The following SLC36A3 variants were observed in gnomAD, a reference collection of about 807,000 sequenced individuals.
SLC36A3 encodes the protein proton-coupled amino acid transporter 3.
Under a neutral mutation model 44.3 loss-of-function variants are expected in SLC36A3, and 35 were observed. That is an observed-to-expected ratio of 0.79 (90% CI 0.60 to 1.05). The LOEUF (loss-of-function observed/expected upper bound fraction) is 1.05, where lower values mean the gene tolerates loss of function less well. Among genes scored for constraint, SLC36A3 ranks in the 50% least tolerant of loss-of-function variants. The pLI is 0.00. For missense variants in SLC36A3, 540 were observed against 578.7 expected (o/e 0.93, Z 0.69); for synonymous variants, 211 against 227.6 (o/e 0.93, Z 0.66).
intron 4 of SLC36A3, 65 bp from the exon 5 acceptor site, chr5:151,288,535 GT>G: frequency 1.7e-6 from 2 of 1,158,376 alleles, no homozygotes; most frequent in South Asian, 1.7e-5. Context: ...TCTTAAGAAT[GT>G]TTACTATTTG....
chr5:151,297,360 C>G (rs1754992561), intron 2 of SLC36A3: 2 of 152,130 alleles, frequency 1.3e-5, no homozygotes, highest in Admixed American at 6.5e-5. Flanking sequence ...GCTCTAGAAC[C>G]CAGAGGATTC....
Position 151,281,117 on chromosome 5 carries a change from G to A in SLC36A3, c.1041C>T (p.His347=), listed in dbSNP as rs780426921. The change falls in exon 9 of 10, where the codon CAC becomes CAT. Residue 347 remains histidine (H), a synonymous_variant. Transcript: ENST00000335230. ...GIFFTYALQF[H]VPAEIIIPFA... is the part of the protein sequence containing the mutation. ...ACGGGATGATGATCTCAGCTGGGAC[G>A]TGGAACTGGAGGGCATAGGTGAAGA... is the stretch of plus-strand genomic sequence containing the variant. 5.6e-6 allele frequency: 9 copies of A among 1,614,042 alleles called. No individual in the cohort carries two copies. Among genetic ancestry groups the A allele is most frequent in the South Asian group, 2.2e-5 (2 of 91,086 alleles).
At chr5:151,283,810 T>G (rs186314952) in intron 8 of SLC36A3, among the ~76,000 whole-genome samples, 2 of 152,388 alleles carry the variant, frequency 1.3e-5, no homozygotes, top group Admixed American at 1.3e-4. Context: ...CAGTTATTTG[T>G]GCTGTTCACC....
chr5:151,283,001 C>T (rs767801870), intron 8 of SLC36A3, among the ~76,000 whole-genome samples: 1 of 152,048 alleles, frequency 6.6e-6, no homozygotes, highest in Non-Finnish European at 1.5e-5. Flanking sequence ...TCTTCTGCCT[C>T]AGCCTCCTGA....
At chr5:151,303,125 G>C in intron 1 of SLC36A3, 102 bp downstream of exon 1, 1 of 1,369,530 alleles carries the variant, frequency 7.3e-7, no homozygotes, top group Non-Finnish European at 9.8e-7. Flanking sequence ...TCGTGTTAAT[G>C]GAATAAGCGT....
intron 6 of SLC36A3, 151 bp from the exon 7 acceptor site, chr5:151,284,862 TG>T (rs1239197197): frequency 1.9e-6 from 1 of 523,104 alleles, no homozygotes; most frequent in Admixed American, 3.2e-5. Flanking sequence ...CTTTTAAATA[TG>T]ATGATTTATT....
At chr5:151,286,540 C>T (rs1754541693) in intron 6 of SLC36A3, among the ~76,000 whole-genome samples, 2 of 152,206 alleles carry the variant, frequency 1.3e-5, no homozygotes, top group East Asian at 1.9e-4. Flanking sequence ...AACCCTCCCA[C>T]CTCAGCCTCC....
chr5:151,277,528 A>G lies in SLC36A3; in HGVS notation c.1278T>C (p.Cys426=). 3.7e-6 allele frequency: 6 copies of G among 1,614,208 alleles called. 1 individual carries two copies. The highest frequency in any genetic ancestry group is 1.6e-4 in the Middle Eastern group (1 of 6,062). Residue 426 remains cysteine, a synonymous_variant, in exon 10 of 10, where the codon TGT becomes TGC. Transcript: ENST00000335230. ...IVIFYSEDMS[C]VTIAKDIMIS... ...TCATGATGTCCTTGGCAATGGTGAC[A>G]CAGCTCATGTCCTCAGAGTAAAAGA... is the stretch of plus-strand genomic sequence containing the variant.
Position 151,298,639 on chromosome 5 carries a change from G to A in SLC36A3, c.173C>T (p.Thr58Ile), listed in dbSNP as rs1755043692. 1.2e-6 allele frequency: 2 copies of A among 1,614,216 alleles called. No individual in the cohort carries two copies. Among genetic ancestry groups the A allele is most frequent in the Non-Finnish European group, 1.7e-6 (2 of 1,180,044 alleles). The change falls in exon 2 of 10, where the codon ACA becomes ATA. Residue 58 changes from threonine (T) to isoleucine (I), a missense_variant. Coordinates refer to ENST00000335230, the MANE Select transcript of SLC36A3 (RefSeq NM_181774.4). Reference protein sequence around the residue: ...LIHLLKCNIGTGLLGLPLAIK... With the variant: ...LIHLLKCNIGIGLLGLPLAIK... Reference sequence around the variant, plus strand: ...GGCCAGGGGAAGCCCCAGGAGCCCTGTGCCAATGTTGCATTTCAACAAGTG... The same window carrying A: ...GGCCAGGGGAAGCCCCAGGAGCCCTATGCCAATGTTGCATTTCAACAAGTG...
chr5:151,284,433 T>C (rs13360383), intron 7 of SLC36A3, among the ~76,000 whole-genome samples, 180 bp downstream of exon 7: 24,663 of 152,192 alleles, frequency 0.16, 2,597 homozygotes, highest in East Asian at 0.3. Context: ...CAGTCTTCAA[T>C]GCTTAGCGTG....
At chr5:151,282,107 C>CTTTTTTTTTTT in intron 8 of SLC36A3, among the ~76,000 whole-genome samples, 1 of 75,608 alleles carries the variant, frequency 1.3e-5, no homozygotes, top group Non-Finnish European at 2.6e-5. Context: ...TTTTCTTTTT[C>CTTTTTTTTTTT]TTTGTTTTTT....
intron 5 of SLC36A3, among the ~76,000 whole-genome samples, chr5:151,288,176 C>T (rs976527050): frequency 5.9e-5 from 9 of 152,304 alleles, no homozygotes; most frequent in South Asian, 4.1e-4. Flanking sequence ...TCTCTTTCTA[C>T]CCTGGCTAAA....
At chr5:151,301,638 T>A (rs1453149644) in intron 1 of SLC36A3, among the ~76,000 whole-genome samples, 1 of 152,046 alleles carries the variant, frequency 6.6e-6, no homozygotes, top group East Asian at 1.9e-4. Context: ...GGAGACCGAT[T>A]TGAGTGATAA....
rs76655551 is a variant in SLC36A3 at position 151,276,968 on chromosome 5, T to C, written c.*425A>G. 2.6e-3 allele frequency: 472 copies of C among 183,566 alleles called. 4 individuals are homozygous for C. Among genetic ancestry groups the C allele is most frequent in the African/African-American group, 0.011 (452 of 42,320 alleles). 11.4% of individuals were successfully genotyped at this position (183,566 alleles called of 1,614,324 possible). A position where few individuals can be genotyped will look rare whatever the true frequency, so the allele number is the denominator to read the frequency against. On this transcript the variant is annotated 3_prime_UTR_variant, in exon 10 of 10. Coordinates refer to ENST00000335230, the MANE Select transcript of SLC36A3 (RefSeq NM_181774.4). ...CTGTTTTTGTTCTGTCTATGACTCT[T>C]CTACTTAGAATATCTAAATAGAAAA...
chr5:151,284,576 C>T (rs374690988), intron 7 of SLC36A3, 37 bp downstream of exon 7: 13 of 1,520,432 alleles, frequency 8.6e-6, no homozygotes, highest in East Asian at 6.8e-5. Context: ...CTGTAGAGGG[C>T]GCTAGGGACC....
rs565836088 is a variant in SLC36A3, at chr5:151,288,293, C to T, written c.489+93G>A. 208 of 920,376 alleles carry T rather than the reference C, an allele frequency of 2.3e-4. No individual in the cohort carries two copies. The African/African-American group carries it at 3.1e-3, about 14-fold the overall frequency. The allele number at this position is 920,376 out of a possible 1,614,324, so 57.0% of individuals were successfully genotyped here. ...CTAGGAGTAGAAATGAAGTTCTCTC[C>T]TCCCATGAGCCTAACACAATACTTT... is the stretch of plus-strand genomic sequence containing the variant. On this transcript the variant is annotated intron_variant, in intron 5 of 9. Transcript: ENST00000335230.
Position 151,303,423 on chromosome 5 carries a change from C to A in SLC36A3, c.-69G>T, listed in dbSNP as rs1308393029. 6.6e-7 allele frequency: 1 copy of A among 1,512,540 alleles called. No individual in the cohort carries two copies. The highest frequency in any genetic ancestry group is 8.9e-7 in the Non-Finnish European group (1 of 1,118,562). The allele number at this position is 1,512,540 out of a possible 1,614,324, so 93.7% of individuals were successfully genotyped here. The stretch of plus-strand genomic sequence containing the variant: ...CTGAATGAGCCTCTGATGGGTCTTT[C>A]TCCAGAGAAACCATGGCTGCTGACC... On this transcript the variant is annotated 5_prime_UTR_variant, in exon 1 of 10. Transcript: ENST00000335230.
chr5:151,284,274 G>A, intron 7 of SLC36A3, 64 bp from the exon 8 acceptor site: 1 of 1,504,584 alleles, frequency 6.6e-7, no homozygotes, highest in South Asian at 1.3e-5. Context: ...TTGTGAAGGA[G>A]AGGGTTCCCG....
intron 5 of SLC36A3, 111 bp downstream of exon 5, chr5:151,288,275 T>G (rs1390206388): frequency 4.2e-6 from 3 of 706,206 alleles, no homozygotes; most frequent in Non-Finnish European, 4.3e-6. Context: ...GATCTAGGAG[T>G]AGAAATGAAG....
Sources: gnomAD v4.1 joint callset for allele counts (sites outside exome capture counted in the v4.1 genomes callset) on GRCh38, gnomAD v4.1.1 for gene constraint, MANE v1.5 for transcripts, NCBI Gene and HGNC (gene_info 2026-07-23, HGNC 2026-07-21) for gene names.